XXYLT1: variants seen among roughly 807,000 people sequenced by gnomAD.
XXYLT1 encodes the protein UDP-xylose:alpha-xyloside alpha-1,3-xylosyltransferase.
In XXYLT1, 20 loss-of-function variants were observed where a neutral mutation model predicts 28.9. The observed-to-expected ratio is 0.69, with a 90% confidence interval of 0.49 to 1.00. The LOEUF (loss-of-function observed/expected upper bound fraction) is 1.00, where lower values mean the gene tolerates loss of function less well. Among genes scored for constraint, XXYLT1 ranks in the 50% least tolerant of loss-of-function variants. The pLI is 0.00. For synonymous variants in XXYLT1, 257 were observed against 253.8 expected, an observed-to-expected ratio of 1.01 and a Z score of -0.12; for missense variants, 542 against 560.1, an observed-to-expected ratio of 0.97 and a Z score of 0.33.
intron 2 of XXYLT1, among the ~76,000 whole-genome samples, chr3:195,182,161 T>C (rs1721985339): frequency 6.6e-6 from 1 of 152,200 alleles, no homozygotes; most frequent in South Asian, 2.1e-4. Flanking sequence ...GGCAAGTCAT[T>C]TAACCCCTCT....
At chr3:195,088,160 G>T (rs1715875150) in intron 3 of XXYLT1, among the ~76,000 whole-genome samples, 1 of 151,294 alleles carries the variant, frequency 6.6e-6, no homozygotes, top group African/African-American at 2.4e-5. Flanking sequence ...CAGCCGGGAA[G>T]CTCGAACTGG....
chr3:195,259,742 G>A lies in XXYLT1; in HGVS notation c.504+10813C>T, dbSNP rs535919614. 356 of 926,036 alleles carry A rather than the reference G, an allele frequency of 3.8e-4. 3 individuals carry two copies. In the African/African-American group the frequency reaches 5.4e-3, roughly 14 times the overall value. The allele number at this position is 926,036 out of a possible 1,614,324, so 57.4% of individuals were successfully genotyped here. A position where few individuals can be genotyped will look rare whatever the true frequency, so the allele number is the denominator to read the frequency against. ...CCCGGAGCCGGCCTCTGGCGGCCTCGGGTCTTTTGCCAAATTCCCCACCGG... is the reference window on the plus strand; with the variant it reads ...CCCGGAGCCGGCCTCTGGCGGCCTCAGGTCTTTTGCCAAATTCCCCACCGG... On this transcript the variant is annotated intron_variant, in intron 1 of 3. Transcript: ENST00000310380.
intron 2 of XXYLT1, among the ~76,000 whole-genome samples, chr3:195,162,229 C>T (rs1720909294): frequency 6.6e-6 from 1 of 152,192 alleles, no homozygotes; most frequent in Non-Finnish European, 1.5e-5. Flanking sequence ...GCCTGCTTTT[C>T]ACTGCCCATG....
At chr3:195,219,465 CAG>C in intron 2 of XXYLT1, among the ~76,000 whole-genome samples, 1 of 152,288 alleles carries the variant, frequency 6.6e-6, no homozygotes, top group Non-Finnish European at 1.5e-5. Context: ...ACACTGACCT[CAG>C]TGTTTCAGGG....
intron 3 of XXYLT1, chr3:195,146,935 G>A (rs1280564245): frequency 6.5e-6 from 1 of 153,702 alleles, no homozygotes; most frequent in Non-Finnish European, 1.5e-5. Context: ...GAATTCCTGG[G>A]CTTAAGTGAC....
intron 3 of XXYLT1, among the ~76,000 whole-genome samples, chr3:195,151,606 G>A (rs1477316523): frequency 6.6e-6 from 1 of 151,342 alleles, no homozygotes; most frequent in Non-Finnish European, 1.5e-5. Context: ...ATAAATAATT[G>A]TTTAGATAAA....
chr3:195,093,656 T>A (rs1329990549), intron 3 of XXYLT1: 1 of 151,652 alleles, frequency 6.6e-6, no homozygotes, highest in African/African-American at 2.4e-5. Context: ...AATGTGCACA[T>A]GTACCCTAGA....
intron 1 of XXYLT1, among the ~76,000 whole-genome samples, chr3:195,241,687 C>A (rs538068370): frequency 1.3e-5 from 2 of 152,116 alleles, no homozygotes; most frequent in African/African-American, 4.8e-5. Flanking sequence ...AACCCTCCCC[C>A]AGAACCTTCT....
chr3:195,102,968 C>T lies in XXYLT1; in HGVS notation c.786-32857G>A, dbSNP rs1329092627. 2.6e-5 allele frequency among the ~76,000 whole-genome samples: 4 copies of T among 152,334 alleles called. No individual in the cohort carries two copies. In the South Asian group the frequency reaches 8.3e-4, roughly 32 times the overall value. On this transcript the variant is annotated intron_variant, in intron 3 of 3. Coordinates refer to ENST00000310380, the MANE Select transcript of XXYLT1 (RefSeq NM_152531.5). ...TGGGGCTCCCTCTTCTCCACACCCT[C>T]GCCAACAGTGGCTATCTCTTGTGTT...
At chr3:195,119,505 C>G (rs866210941) in intron 3 of XXYLT1, among the ~76,000 whole-genome samples, 1 of 152,066 alleles carries the variant, frequency 6.6e-6, no homozygotes, top group East Asian at 1.9e-4. Context: ...CTTTTCCCAA[C>G]AAGAAGACAG....
intron 3 of XXYLT1, among the ~76,000 whole-genome samples, chr3:195,114,352 T>A (rs916355196): frequency 6.6e-6 from 1 of 152,212 alleles, no homozygotes; most frequent in Admixed American, 6.5e-5. Flanking sequence ...GAATGACTAC[T>A]GCCTGGAGAG....
chr3:195,074,582 A>T (rs1159167982), intron 3 of XXYLT1, among the ~76,000 whole-genome samples: 1 of 152,176 alleles, frequency 6.6e-6, no homozygotes, highest in Admixed American at 6.5e-5. Context: ...CACACCAGCC[A>T]GGTCCTCTGG....
In XXYLT1 at chr3:195,173,370, C is replaced by T. The variant is rs914769650; in HGVS notation, c.653-16789G>A. Among the ~76,000 whole-genome samples the T allele has an allele frequency of 1.3e-5, 2 of 152,142 alleles. No individual in the cohort carries two copies. Among genetic ancestry groups the T allele is most frequent in the African/African-American group, 2.4e-5 (1 of 41,428 alleles). ...CCCAGCATCTGCCTGGCCATTATGGCCTGGTTCTGCTCCTGGCCTCATTCT... is the reference window on the plus strand; with the variant it reads ...CCCAGCATCTGCCTGGCCATTATGGTCTGGTTCTGCTCCTGGCCTCATTCT... On this transcript the variant is annotated intron_variant, in intron 2 of 3. Transcript: ENST00000310380. This position sits in a 1 kb window ranked among gnomAD's most constrained non-coding sequence, Gnocchi z 4.3.
intron 2 of XXYLT1, among the ~76,000 whole-genome samples, chr3:195,167,656 C>T (rs947476668): frequency 6.6e-6 from 1 of 152,208 alleles, no homozygotes; most frequent in Non-Finnish European, 1.5e-5. Context: ...ACTCCTTCTA[C>T]ATTTATTAGC....
intron 3 of XXYLT1, among the ~76,000 whole-genome samples, chr3:195,143,318 T>C (rs1271989187): frequency 1.3e-5 from 2 of 152,216 alleles, no homozygotes; most frequent in African/African-American, 4.8e-5. Context: ...AATGATCCTT[T>C]AAACCAGAGG....
chr3:195,126,516 G>T (rs1718641102), intron 3 of XXYLT1, among the ~76,000 whole-genome samples: 1 of 152,182 alleles, frequency 6.6e-6, no homozygotes, highest in Non-Finnish European at 1.5e-5. Flanking sequence ...CTCTAGAAAG[G>T]AGCCCATGGA....
chr3:195,090,529 T>C (rs1716073748), intron 3 of XXYLT1, among the ~76,000 whole-genome samples: 3 of 150,510 alleles, frequency 2.0e-5, no homozygotes, highest in South Asian at 4.2e-4. Flanking sequence ...TTCAAAGCAG[T>C]GTGTAGAGGG....
Position 195,176,014 on chromosome 3 carries a change from A to G in XXYLT1, c.653-19433T>C, listed in dbSNP as rs142266150. 1.3e-5 allele frequency among the ~76,000 whole-genome samples: 2 copies of G among 152,352 alleles called. 1 individual carries two copies. Among genetic ancestry groups the G allele is most frequent in the African/African-American group, 4.8e-5 (2 of 41,582 alleles). ...AGTGTATACGTAGCAGCTTAAGTCA[A>G]GTAGACACAATCTTTTTTCTGCCCA... On this transcript the variant is annotated intron_variant, in intron 2 of 3. Transcript: ENST00000310380. This position sits in a 1 kb window ranked among gnomAD's most constrained non-coding sequence, Gnocchi z 4.9.
At chr3:195,074,012 G>A (rs1467314313) in intron 3 of XXYLT1, among the ~76,000 whole-genome samples, 1 of 152,090 alleles carries the variant, frequency 6.6e-6, no homozygotes, top group Non-Finnish European at 1.5e-5. Context: ...AAGGGCACAC[G>A]TGGCCATCAG....
Sources: gnomAD v4.1 joint callset for allele counts (sites outside exome capture counted in the v4.1 genomes callset) on GRCh38, gnomAD v4.1.1 for gene constraint, Gnocchi (gnomAD v3.1) non-coding constraint, MANE v1.5 for transcripts, NCBI Gene and HGNC (gene_info 2026-07-23, HGNC 2026-07-21) for gene names.